UNC5C: variants seen among roughly 807,000 people sequenced by gnomAD.
UNC5C encodes the protein netrin receptor UNC5C.
A neutral mutation model predicts 99.8 loss-of-function variants in UNC5C; 47 were observed. That is an observed-to-expected ratio of 0.47 (90% CI 0.37 to 0.60). The LOEUF (loss-of-function observed/expected upper bound fraction) is 0.60. Among genes scored for constraint, UNC5C ranks in the 20% least tolerant of loss-of-function variants. UNC5C has a pLI of 0.00. For missense variants in UNC5C, 1,062 were observed against 1,165.9 expected, an observed-to-expected ratio of 0.91 and a Z score of 1.30; for synonymous variants, 487 against 452.2, an observed-to-expected ratio of 1.08 and a Z score of -0.98.
chr4:95,536,061 CAT>C (rs58901868), intron 1 of UNC5C, among the ~76,000 whole-genome samples: 3,015 of 140,740 alleles, frequency 0.021, 61 homozygotes, highest in African/African-American at 0.05. Context: ...TACATACATA[CAT>C]ATATATATAT....
chr4:95,473,809 G>A (rs1748048797), intron 1 of UNC5C, among the ~76,000 whole-genome samples: 1 of 152,088 alleles, frequency 6.6e-6, no homozygotes. Context: ...GGAGATGGTA[G>A]CTATAAATGA....
At chr4:95,177,253 GTC>G (rs1325760418) in intron 14 of UNC5C, among the ~76,000 whole-genome samples, 3 of 152,170 alleles carry the variant, frequency 2.0e-5, no homozygotes, top group East Asian at 1.9e-4. Context: ...CTATTCGGCT[GTC>G]TCTCTCTTTT....
At chr4:95,171,627 C>T (rs1394027412) in intron 14 of UNC5C, among the ~76,000 whole-genome samples, 1 of 151,914 alleles carries the variant, frequency 6.6e-6, no homozygotes, top group African/African-American at 2.4e-5. Context: ...TTTTCTTAAT[C>T]CAGTCTATCA....
At chr4:95,413,091 A>C (rs997733415) in intron 1 of UNC5C, among the ~76,000 whole-genome samples, 2 of 152,028 alleles carry the variant, frequency 1.3e-5, no homozygotes, top group African/African-American at 4.8e-5. Flanking sequence ...TGATAAACTC[A>C]CCTTCCCTCT....
chr4:95,282,971 G>A (rs1305859452), intron 3 of UNC5C, among the ~76,000 whole-genome samples: 1 of 152,128 alleles, frequency 6.6e-6, no homozygotes, highest in Non-Finnish European at 1.5e-5. Context: ...AATGGACTGA[G>A]AGACAGGAGG....
In UNC5C at chr4:95,474,831, C is replaced by G. The variant is rs182909712; in HGVS notation, c.124+73903G>C. 8.5e-4 allele frequency among the ~76,000 whole-genome samples: 130 copies of G among 152,178 alleles called. 5 individuals carry two copies. In the East Asian group the frequency reaches 0.025, roughly 29 times the overall value. On this transcript the variant is annotated intron_variant, in intron 1 of 15. Coordinates refer to ENST00000453304, the MANE Select transcript of UNC5C (RefSeq NM_003728.4). ...AGAGATTTTACCAGAATTCCAGAAG[C>G]CTGTCTTGTGCTGTCTTCCAGTCAC...
At chr4:95,244,953 G>C in intron 6 of UNC5C, 24 bp downstream of exon 6, 1 of 1,612,158 alleles carries the variant, frequency 6.2e-7, no homozygotes. Flanking sequence ...GAGATACTTG[G>C]AATGAGAGGA....
At chr4:95,297,836 A>G (rs1741714849) in intron 3 of UNC5C, among the ~76,000 whole-genome samples, 1 of 152,264 alleles carries the variant, frequency 6.6e-6, no homozygotes, top group South Asian at 2.1e-4. Flanking sequence ...CTTCCAATCT[A>G]CAGTAGCTTA....
intron 1 of UNC5C, among the ~76,000 whole-genome samples, chr4:95,414,419 G>A (rs1204002413): frequency 3.9e-5 from 6 of 152,186 alleles, no homozygotes; most frequent in East Asian, 1.9e-4. Context: ...TAGGCCACTC[G>A]GGTGGCTTTC....
intron 1 of UNC5C, among the ~76,000 whole-genome samples, chr4:95,356,226 A>AAAAAAAAAAAAC (rs1371053400): frequency 3.5e-5 from 5 of 144,710 alleles, no homozygotes; most frequent in South Asian, 2.2e-4. Flanking sequence ...AACAAAAAAA[A>AAAAAAAAAAAAC]AACAGATTCC....
intron 15 of UNC5C, 40 bp from the exon 16 acceptor site, chr4:95,169,439 T>C: frequency 6.2e-7 from 1 of 1,600,264 alleles, no homozygotes; most frequent in East Asian, 2.2e-5. Flanking sequence ...ACAGTGTGAC[T>C]TACATATCTA....
intron 14 of UNC5C, among the ~76,000 whole-genome samples, chr4:95,173,677 A>G (rs1736218212): frequency 6.6e-6 from 1 of 151,544 alleles, no homozygotes. Flanking sequence ...ATCAATGTTC[A>G]TCAAGGATAT....
Position 95,250,682 on chromosome 4 carries a change from G to A in UNC5C, c.595-15C>T. 1 of 1,612,058 alleles carries A rather than the reference G, an allele frequency of 6.2e-7. No homozygotes were observed. Among genetic ancestry groups the A allele is most frequent in the Non-Finnish European group, 8.5e-7 (1 of 1,178,806 alleles). Reference sequence around the variant, plus strand: ...AACCATTCCACCTAAAGATAAATGAGAAAAGTAGATAAATCCTCAGCATGG... The same window carrying A: ...AACCATTCCACCTAAAGATAAATGAAAAAAGTAGATAAATCCTCAGCATGG... On this transcript the variant is annotated splice_polypyrimidine_tract_variant and intron_variant, in intron 4 of 15. Coordinates refer to ENST00000453304, the MANE Select transcript of UNC5C (RefSeq NM_003728.4).
At chr4:95,206,007 T>TG in intron 11 of UNC5C, among the ~76,000 whole-genome samples, 1 of 151,604 alleles carries the variant, frequency 6.6e-6, no homozygotes, top group East Asian at 1.9e-4. Context: ...CATATACTTT[T>TG]TTTTTTTTTT....
intron 12 of UNC5C, among the ~76,000 whole-genome samples, chr4:95,196,131 G>T (rs565455070): frequency 2.0e-5 from 3 of 152,100 alleles, no homozygotes; most frequent in Non-Finnish European, 4.4e-5. Flanking sequence ...CCACATAGAC[G>T]TATGTTTCTC....
intron 2 of UNC5C, among the ~76,000 whole-genome samples, chr4:95,319,920 A>T (rs112056813): frequency 5.9e-5 from 9 of 152,288 alleles, no homozygotes; most frequent in African/African-American, 2.2e-4. Context: ...AACAGCCTGG[A>T]TCATTATCTC....
chr4:95,263,267 G>A (rs1560759319), intron 4 of UNC5C, among the ~76,000 whole-genome samples: 1 of 152,088 alleles, frequency 6.6e-6, no homozygotes, highest in Non-Finnish European at 1.5e-5. Flanking sequence ...ACACAGACAT[G>A]GCATCTTTTC....
intron 1 of UNC5C, among the ~76,000 whole-genome samples, chr4:95,349,775 C>A (rs1268267927): frequency 6.6e-6 from 1 of 151,934 alleles, no homozygotes; most frequent in African/African-American, 2.4e-5. Flanking sequence ...TGTAACATTT[C>A]TTTAATTCTT....
chr4:95,316,404 C>T (rs1285131757), intron 2 of UNC5C, among the ~76,000 whole-genome samples: 1 of 152,114 alleles, frequency 6.6e-6, no homozygotes, highest in Non-Finnish European at 1.5e-5. Flanking sequence ...CATGCAAAAC[C>T]GTGGGGCTCT....
Sources: allele counts gnomAD v4.1 joint callset (sites outside exome capture counted in the v4.1 genomes callset), GRCh38; gene constraint gnomAD v4.1.1; transcripts MANE v1.5; gene names NCBI Gene and HGNC (gene_info 2026-07-23, HGNC 2026-07-21).